The following LOXHD1 variants were observed in gnomAD, a reference collection of about 807,000 sequenced individuals.
LOXHD1 encodes lipoxygenase homology PLAT domains 1.
In LOXHD1, 205 loss-of-function variants were observed where a neutral mutation model predicts 248.2. That is an observed-to-expected ratio of 0.83 (90% confidence interval 0.74 to 0.93). The LOEUF (loss-of-function observed/expected upper bound fraction) is 0.93, where lower values mean the gene tolerates loss of function less well. Among genes scored for constraint, LOXHD1 ranks in the 40% least tolerant of loss-of-function variants. LOXHD1 has a pLI of 0.00. For missense variants in LOXHD1, 2,930 were observed against 2,971.6 expected, an observed-to-expected ratio of 0.99 and a Z score of 0.33; for synonymous variants, 1,113 against 1,162.8, an observed-to-expected ratio of 0.96 and a Z score of 0.87.
At chr18:46,631,338 T>C (rs2038819531) in intron 4 of LOXHD1, among the ~76,000 whole-genome samples, 1 of 152,138 alleles carries the variant, frequency 6.6e-6, no homozygotes, top group African/African-American at 2.4e-5. Context: ...TCTTGGTGGC[T>C]CATCTTGGTG....
chr18:46,533,068 G>C (rs1183442379), intron 28 of LOXHD1, 94 bp downstream of exon 28: 4 of 1,359,516 alleles, frequency 2.9e-6, no homozygotes, highest in Non-Finnish European at 4.0e-6. Flanking sequence ...CTACTCCTGG[G>C]TGAAGAGGCT....
At chr18:46,606,547 C>T (rs1490235373) in intron 6 of LOXHD1, among the ~76,000 whole-genome samples, 2 of 152,088 alleles carry the variant, frequency 1.3e-5, no homozygotes, top group African/African-American at 4.8e-5. Context: ...TGTAGAATTA[C>T]CTTCAGGGTA....
At position 46,485,165 on chromosome 18, in the gene LOXHD1, G is replaced by T. The variant is rs886053823; in HGVS notation, c.6050-14C>A. 6.5e-7 allele frequency: 1 copy of T among 1,547,574 alleles called. No individual in the cohort carries two copies. Among genetic ancestry groups the T allele is most frequent in the Non-Finnish European group, 8.7e-7 (1 of 1,144,450 alleles). On this transcript the variant is annotated splice_polypyrimidine_tract_variant and intron_variant, in intron 38 of 40. Coordinates refer to ENST00000642948, the MANE Select transcript of LOXHD1 (RefSeq NM_001384474.1). Reference sequence around the variant, plus strand: ...CGATCTCGTAGGCTGTAATGGAGGAGGTGGGGGAGGGTCAGCACAGGGGAA... The same window carrying T: ...CGATCTCGTAGGCTGTAATGGAGGATGTGGGGGAGGGTCAGCACAGGGGAA...
rs1318769159 is a variant in LOXHD1, at chr18:46,558,887, A to AC, written c.3216+560dup. Reference sequence around the variant, plus strand: ...TCTTAAGCCTCTCATGACCCCACCCACCCCACACCCTAAATTGTTCTTATC... The same window carrying AC: ...TCTTAAGCCTCTCATGACCCCACCCACCCCCACACCCTAAATTGTTCTTATC... On this transcript the variant is annotated intron_variant, in intron 20 of 40. Coordinates refer to ENST00000642948, the MANE Select transcript of LOXHD1 (RefSeq NM_001384474.1). Among the ~76,000 whole-genome samples the AC allele has an allele frequency of 1.8e-4, 25 of 139,982 alleles. No homozygotes were observed. The East Asian group carries it at 5.4e-3, about 30-fold the overall frequency. 91.8% of individuals were successfully genotyped at this position (139,982 alleles called of 152,430 possible). A position where few individuals can be genotyped will look rare whatever the true frequency, so the allele number is the denominator to read the frequency against.
chr18:46,551,663 C>G (rs994052100), intron 21 of LOXHD1, among the ~76,000 whole-genome samples: 1 of 151,922 alleles, frequency 6.6e-6, no homozygotes, highest in Non-Finnish European at 1.5e-5. Context: ...CTAGAGAAGG[C>G]AGGAGGAGTT....
chr18:46,577,924 C>G, intron 13 of LOXHD1, 57 bp from the exon 14 acceptor site: 1 of 1,532,132 alleles, frequency 6.5e-7, no homozygotes, highest in Non-Finnish European at 8.8e-7. Flanking sequence ...GACCCAAACA[C>G]CAAGGGAAGA....
At chr18:46,645,123 G>A (rs938058279) in intron 2 of LOXHD1, among the ~76,000 whole-genome samples, 1 of 152,216 alleles carries the variant, frequency 6.6e-6, no homozygotes, top group Non-Finnish European at 1.5e-5. Flanking sequence ...TCCCAAATAA[G>A]CCCCCAACTC....
intron 21 of LOXHD1, among the ~76,000 whole-genome samples, chr18:46,550,574 C>T (rs865890562): frequency 2.4e-4 from 7 of 29,058 alleles, no homozygotes; most frequent in Non-Finnish European, 7.3e-4. Context: ...AGCGAGACTC[C>T]GTCTCAAAAA....
chr18:46,509,505 G>A (rs2034811994), intron 35 of LOXHD1, 193 bp downstream of exon 35: 1 of 643,690 alleles, frequency 1.6e-6, no homozygotes, highest in Admixed American at 2.3e-5. Context: ...AGTTCTCACT[G>A]GACACAAATA....
At chr18:46,485,933 C>G (rs1415980248) in intron 38 of LOXHD1, among the ~76,000 whole-genome samples, 2 of 152,142 alleles carry the variant, frequency 1.3e-5, no homozygotes, top group African/African-American at 4.8e-5. Flanking sequence ...TAGAGCTCTG[C>G]AATGCTGTCC....
At chr18:46,614,738 A>AAATAAATT (rs962127841) in intron 5 of LOXHD1, among the ~76,000 whole-genome samples, 3 of 151,612 alleles carry the variant, frequency 2.0e-5, no homozygotes, top group African/African-American at 7.2e-5. Flanking sequence ...ATAAATAAAT[A>AAATAAATT]AATAAATAAC....
intron 10 of LOXHD1, 59 bp from the exon 11 acceptor site, chr18:46,592,643 A>T: frequency 7.1e-7 from 1 of 1,402,344 alleles, no homozygotes. Context: ...GTTTATTCTC[A>T]TAGCTGACCC....
At chr18:46,641,395 T>A (rs1246240173) in intron 3 of LOXHD1, among the ~76,000 whole-genome samples, 1 of 152,180 alleles carries the variant, frequency 6.6e-6, no homozygotes, top group Non-Finnish European at 1.5e-5. Context: ...ATTGGACTAG[T>A]AATCTCTCCT....
At chr18:46,492,200 C>G (rs1338745506) in intron 37 of LOXHD1, among the ~76,000 whole-genome samples, 1 of 152,216 alleles carries the variant, frequency 6.6e-6, no homozygotes, top group Non-Finnish European at 1.5e-5. Flanking sequence ...AGTAGACTCA[C>G]AGGTACAGCA....
At chr18:46,634,745 T>C (rs74476932) in intron 4 of LOXHD1, among the ~76,000 whole-genome samples, 12,191 of 152,186 alleles carry the variant, frequency 0.08, 639 homozygotes, top group Non-Finnish European at 0.12. Context: ...TAGCCAAATT[T>C]ACAGAGACAG....
intron 37 of LOXHD1, among the ~76,000 whole-genome samples, chr18:46,503,525 T>C (rs563389484): frequency 2.3e-4 from 35 of 152,316 alleles, no homozygotes; most frequent in Non-Finnish European, 4.1e-4. Context: ...CTAATGATTA[T>C]GGCTACTGTT....
At chr18:46,550,922 G>A (rs1289616403) in intron 21 of LOXHD1, among the ~76,000 whole-genome samples, 1 of 152,008 alleles carries the variant, frequency 6.6e-6, no homozygotes, top group Non-Finnish European at 1.5e-5. Flanking sequence ...TCCTCCTGCT[G>A]GGAAAACTAT....
chr18:46,592,872 A>G (rs2038197087), intron 10 of LOXHD1, among the ~76,000 whole-genome samples: 1 of 152,224 alleles, frequency 6.6e-6, no homozygotes, highest in South Asian at 2.1e-4. Context: ...AGATCCTCCA[A>G]GCAATAAACT....
chr18:46,573,695 C>T (rs976417659), intron 14 of LOXHD1, among the ~76,000 whole-genome samples: 2 of 152,150 alleles, frequency 1.3e-5, no homozygotes, highest in African/African-American at 4.8e-5. Context: ...CCAAGGCTGA[C>T]GGAGGCAATG....
Sources: allele counts gnomAD v4.1 joint callset (sites outside exome capture counted in the v4.1 genomes callset), GRCh38; gene constraint gnomAD v4.1.1; transcripts MANE v1.5; gene names NCBI Gene and HGNC (gene_info 2026-07-23, HGNC 2026-07-21).